PARD3B: variants seen among roughly 807,000 people sequenced by gnomAD.
PARD3B encodes the protein par-3 family cell polarity regulator beta.
A neutral mutation model predicts 130.2 loss-of-function variants in PARD3B; 103 were observed. The observed-to-expected ratio is 0.79, with a 90% CI of 0.67 to 0.93. The LOEUF (loss-of-function observed/expected upper bound fraction) is 0.93, where lower values mean the gene tolerates loss of function less well. Among genes scored for constraint, PARD3B ranks in the 40% least tolerant of loss-of-function variants. The pLI is 0.00. For missense variants in PARD3B, 1,609 were observed against 1,499.2 expected, an observed-to-expected ratio of 1.07 and a Z score of -1.21; for synonymous variants, 583 against 553.2, an observed-to-expected ratio of 1.05 and a Z score of -0.76.
chr2:205,279,767 C>A (rs1409309336), intron 16 of PARD3B, among the ~76,000 whole-genome samples: 1 of 152,064 alleles, frequency 6.6e-6, no homozygotes, highest in African/African-American at 2.4e-5. Flanking sequence ...TAAAATGAAC[C>A]CCCTCTTGGT....
chr2:204,946,385 T>G (rs924349278), intron 2 of PARD3B, among the ~76,000 whole-genome samples: 1 of 152,188 alleles, frequency 6.6e-6, no homozygotes, highest in Admixed American at 6.5e-5. Flanking sequence ...CTATATCTGC[T>G]TTTAATTTTG....
intron 2 of PARD3B, among the ~76,000 whole-genome samples, chr2:204,888,548 A>G (rs548370642): frequency 2.0e-5 from 3 of 152,196 alleles, no homozygotes; most frequent in East Asian, 3.9e-4. Context: ...TCTTGGCAAC[A>G]TGGTGAAACC....
intron 4 of PARD3B, among the ~76,000 whole-genome samples, chr2:205,090,605 G>C (rs1411703605): frequency 1.3e-5 from 2 of 152,170 alleles, no homozygotes; most frequent in Non-Finnish European, 2.9e-5. Context: ...TACTCACTCA[G>C]TCAGTTAATA....
chr2:204,589,901 A>G (rs1337053710), intron 1 of PARD3B, among the ~76,000 whole-genome samples: 1 of 152,178 alleles, frequency 6.6e-6, no homozygotes, highest in African/African-American at 2.4e-5. Flanking sequence ...CAGTGAGCAG[A>G]TGGGAGATGG....
chr2:204,850,491 T>C (rs1054049570), intron 2 of PARD3B, among the ~76,000 whole-genome samples: 43 of 151,812 alleles, frequency 2.8e-4, no homozygotes, highest in Non-Finnish European at 1.0e-4. Context: ...TATATATATA[T>C]AGATATATGT....
intron 19 of PARD3B, among the ~76,000 whole-genome samples, chr2:205,424,338 C>T (rs925257107): frequency 1.3e-5 from 2 of 152,038 alleles, no homozygotes; most frequent in Non-Finnish European, 2.9e-5. Flanking sequence ...GTGGTTTTTC[C>T]GGGCTCTGTG....
At chr2:205,236,808 G>T (rs1017871445) in intron 15 of PARD3B, among the ~76,000 whole-genome samples, 1 of 152,048 alleles carries the variant, frequency 6.6e-6, no homozygotes, top group African/African-American at 2.4e-5. Context: ...CTGATCAGTC[G>T]CAGTGACATC....
chr2:204,563,217 G>GTCTCTCTCTCTCTCTCTCTCTCTCTC (rs35536964), intron 1 of PARD3B, among the ~76,000 whole-genome samples: 3 of 86,638 alleles, frequency 3.5e-5, no homozygotes, highest in African/African-American at 4.5e-5. Context: ...TCTTCCCGCT[G>GTCTCTCTCTCTCTCTCTCTCTCTCTC]TCTCTCTCTC....
intron 19 of PARD3B, among the ~76,000 whole-genome samples, chr2:205,434,874 A>T (rs76108930): frequency 0.01 from 1,046 of 103,316 alleles, 10 homozygotes; most frequent in African/African-American, 0.032. Flanking sequence ...TTGTTAGGAA[A>T]TTTTTTATAT....
chr2:205,561,966 G>A (rs1356979358), intron 22 of PARD3B, among the ~76,000 whole-genome samples: 1 of 152,168 alleles, frequency 6.6e-6, no homozygotes, highest in Non-Finnish European at 1.5e-5. Flanking sequence ...CTGTTTGAAT[G>A]GCCCCCTGAT....
intron 2 of PARD3B, among the ~76,000 whole-genome samples, chr2:204,883,455 A>ATATTTTTTTT (rs1377428928): frequency 1.0e-4 from 8 of 77,278 alleles, no homozygotes; most frequent in African/African-American, 4.4e-4. Context: ...ATATATATAT[A>ATATTTTTTTT]TTTTTTTTTT....
At chr2:205,429,338 C>T (rs146053124) in intron 19 of PARD3B, among the ~76,000 whole-genome samples, 15 of 152,252 alleles carry the variant, frequency 9.9e-5, no homozygotes, top group Middle Eastern at 3.4e-3. Context: ...ATTCAGATTT[C>T]CCAATACTAA....
At chr2:204,816,522 A>G (rs73066657) in intron 2 of PARD3B, among the ~76,000 whole-genome samples, 2,335 of 152,042 alleles carry the variant, frequency 0.015, 54 homozygotes, top group African/African-American at 0.051. Context: ...ATATAGAATT[A>G]CAGGTTAACA....
intron 3 of PARD3B, among the ~76,000 whole-genome samples, chr2:204,988,608 A>G (rs960043533): frequency 6.6e-6 from 1 of 152,230 alleles, no homozygotes; most frequent in Non-Finnish European, 1.5e-5. Flanking sequence ...CCATAAATAT[A>G]TATACCTATT....
intron 3 of PARD3B, among the ~76,000 whole-genome samples, chr2:204,986,170 C>T (rs1214545438): frequency 6.8e-6 from 1 of 147,972 alleles, no homozygotes; most frequent in Non-Finnish European, 1.5e-5. Context: ...TTGGGTATGG[C>T]AGATCTCTGT....
intron 2 of PARD3B, among the ~76,000 whole-genome samples, chr2:204,692,247 G>A (rs1407103995): frequency 6.6e-6 from 1 of 152,068 alleles, no homozygotes; most frequent in Non-Finnish European, 1.5e-5. Flanking sequence ...GGAGAATAAA[G>A]CCAGAGTTTG....
intron 21 of PARD3B, among the ~76,000 whole-genome samples, chr2:205,502,572 G>A (rs1333754996): frequency 6.6e-6 from 1 of 152,090 alleles, no homozygotes; most frequent in African/African-American, 2.4e-5. Context: ...ACTCCCCCAA[G>A]TCCAGAGTCT....
intron 15 of PARD3B, among the ~76,000 whole-genome samples, chr2:205,204,782 G>C (rs1428705194): frequency 6.6e-6 from 1 of 152,070 alleles, no homozygotes; most frequent in African/African-American, 2.4e-5. Flanking sequence ...TATTTCTGAG[G>C]TCTCTATTCT....
chr2:205,118,527 A>G (rs2030202685), intron 6 of PARD3B, among the ~76,000 whole-genome samples: 1 of 152,214 alleles, frequency 6.6e-6, no homozygotes, highest in Non-Finnish European at 1.5e-5. Context: ...GTTACTGTGA[A>G]TATCCTAATG....
Sources: gnomAD v4.1 joint callset for allele counts (sites outside exome capture counted in the v4.1 genomes callset) on GRCh38, gnomAD v4.1.1 for gene constraint, MANE v1.5 for transcripts, NCBI Gene and HGNC (gene_info 2026-07-23, HGNC 2026-07-21) for gene names.